SYNPR: variants seen among roughly 807,000 people sequenced by gnomAD.
SYNPR encodes the protein synaptoporin.
A neutral mutation model predicts 32.9 loss-of-function variants in SYNPR; 23 were observed. That is an observed-to-expected ratio of 0.70 (90% CI 0.50 to 0.99). SYNPR has a LOEUF of 0.99. Among genes scored for constraint, SYNPR ranks in the 50% least tolerant of loss-of-function variants. The pLI is 0.00. For synonymous variants in SYNPR, 146 were observed against 135.9 expected, an observed-to-expected ratio of 1.07 and a Z score of -0.52; for missense variants, 318 against 349.3, an observed-to-expected ratio of 0.91 and a Z score of 0.71.
chr3:63,502,845 T>C (rs1006634479), intron 3 of SYNPR, among the ~76,000 whole-genome samples: 3 of 152,138 alleles, frequency 2.0e-5, no homozygotes, highest in Non-Finnish European at 4.4e-5. Flanking sequence ...AATATTCCAT[T>C]GCATGTACTG....
intron 3 of SYNPR, among the ~76,000 whole-genome samples, chr3:63,517,784 T>C (rs764937707): frequency 6.6e-6 from 1 of 152,192 alleles, no homozygotes; most frequent in African/African-American, 2.4e-5. Context: ...AGGGAGAGGC[T>C]ATAGCCAACT....
chr3:63,494,525 A>G (rs1701335109), intron 3 of SYNPR, among the ~76,000 whole-genome samples: 1 of 23,360 alleles, frequency 4.3e-5, no homozygotes, highest in Non-Finnish European at 8.6e-5. Flanking sequence ...ATATATACAT[A>G]TATATATATG....
rs534787723 is a variant in SYNPR, at chr3:63,398,099, G to GTTTACT, written c.85-82732_85-82731insTTACTT. On this transcript the variant is annotated intron_variant, in intron 2 of 5. Coordinates refer to ENST00000478300, the MANE Select transcript of SYNPR (RefSeq NM_001130003.2). Reference sequence around the variant, plus strand: ...AGAGCCTGGGCTGCAAAATGATCAAGTGAATACTTTACTTCTGGGGACATG... The same window carrying GTTTACT: ...AGAGCCTGGGCTGCAAAATGATCAAGTTTACTTGAATACTTTACTTCTGGGGACATG... 1.6e-3 allele frequency among the ~76,000 whole-genome samples: 247 copies of GTTTACT among 152,292 alleles called. 4 individuals are homozygous for GTTTACT. Among genetic ancestry groups the GTTTACT allele is most frequent in the Middle Eastern group, 0.01 (3 of 294 alleles).
intron 4 of SYNPR, among the ~76,000 whole-genome samples, chr3:63,582,068 G>A (rs533387761): frequency 1.3e-5 from 2 of 152,086 alleles, no homozygotes; most frequent in East Asian, 1.9e-4. Context: ...TGTGAAATAC[G>A]GAATCAAGAT....
chr3:63,417,034 A>G (rs1458646431), intron 2 of SYNPR, among the ~76,000 whole-genome samples: 4 of 152,184 alleles, frequency 2.6e-5, no homozygotes, highest in Non-Finnish European at 4.4e-5. Context: ...TCATTTCAGC[A>G]TTAACTCGAA....
chr3:63,517,311 G>A (rs1312426692), intron 3 of SYNPR, among the ~76,000 whole-genome samples: 1 of 152,082 alleles, frequency 6.6e-6, no homozygotes, highest in Non-Finnish European at 1.5e-5. Context: ...CATTGTGGCG[G>A]CTAAATGAGC....
chr3:63,207,535 T>A, the SYNPR span, among the ~76,000 whole-genome samples: 1 of 152,218 alleles, frequency 6.6e-6, no homozygotes, highest in Non-Finnish European at 1.5e-5. Flanking sequence ...AAGAACAACT[T>A]CTTTATATGG....
At chr3:63,389,507 G>A (rs1036990699) in intron 2 of SYNPR, among the ~76,000 whole-genome samples, 2 of 152,140 alleles carry the variant, frequency 1.3e-5, no homozygotes, top group African/African-American at 4.8e-5. Flanking sequence ...ATACTCTTTG[G>A]TTTTTATTGG....
chr3:63,419,374 A>C (rs2107129182), intron 2 of SYNPR, among the ~76,000 whole-genome samples: 1 of 152,282 alleles, frequency 6.6e-6, no homozygotes, highest in South Asian at 2.1e-4. Context: ...CCAAATACTT[A>C]GAGTTGGAAA....
chr3:63,466,764 T>C (rs546692723), intron 2 of SYNPR, among the ~76,000 whole-genome samples: 1 of 152,236 alleles, frequency 6.6e-6, no homozygotes. Context: ...AAGTGTCAGC[T>C]CTCTGGTGTC....
intron 2 of SYNPR, among the ~76,000 whole-genome samples, chr3:63,441,933 T>C (rs1333269330): frequency 1.3e-5 from 2 of 152,132 alleles, no homozygotes; most frequent in Non-Finnish European, 2.9e-5. Context: ...CTATGAGGCA[T>C]AAGTGTAGCC....
chr3:63,290,141 A>AAAAAAAC (rs11280661), intron 2 of SYNPR, among the ~76,000 whole-genome samples: 3 of 145,450 alleles, frequency 2.1e-5, no homozygotes, highest in African/African-American at 2.6e-5. Context: ...AAAAACAAAA[A>AAAAAAAC]AACTCCTTTT....
At chr3:63,597,817 A>G (rs972013105) in intron 4 of SYNPR, among the ~76,000 whole-genome samples, 8 of 152,170 alleles carry the variant, frequency 5.3e-5, no homozygotes, top group African/African-American at 1.4e-4. Context: ...TAACACTTCA[A>G]ATGAAATAAG....
intron 3 of SYNPR, among the ~76,000 whole-genome samples, chr3:63,273,193 A>C (rs2086549999): frequency 6.6e-6 from 1 of 152,134 alleles, no homozygotes; most frequent in Non-Finnish European, 1.5e-5. Flanking sequence ...CAAGAAAAAT[A>C]TTTTTGCCTA....
chr3:63,568,653 T>C (rs1360613413), intron 4 of SYNPR, among the ~76,000 whole-genome samples: 1 of 152,168 alleles, frequency 6.6e-6, no homozygotes, highest in Admixed American at 6.5e-5. Context: ...AGTGACCACA[T>C]TGCCCATGAT....
chr3:63,332,274 C>A (rs930010150), intron 2 of SYNPR, among the ~76,000 whole-genome samples: 7 of 152,206 alleles, frequency 4.6e-5, no homozygotes, highest in Non-Finnish European at 1.0e-4. Flanking sequence ...GATCCAACCT[C>A]CCTTGCACAG....
intron 4 of SYNPR, among the ~76,000 whole-genome samples, chr3:63,572,940 T>C (rs1382019198): frequency 2.6e-5 from 4 of 152,120 alleles, no homozygotes; most frequent in African/African-American, 9.7e-5. Flanking sequence ...GTGTGTGATT[T>C]TTTTCCTCCC....
intron 2 of SYNPR, among the ~76,000 whole-genome samples, chr3:63,340,264 C>T (rs2087347620): frequency 6.6e-6 from 1 of 151,970 alleles, no homozygotes; most frequent in African/African-American, 2.4e-5. Flanking sequence ...AATGAAGCTG[C>T]TATCAATGCA....
At chr3:63,575,728 A>G (rs538486407) in intron 4 of SYNPR, among the ~76,000 whole-genome samples, 2 of 152,316 alleles carry the variant, frequency 1.3e-5, no homozygotes, top group Non-Finnish European at 2.9e-5. Context: ...AGTTGCCTTC[A>G]CCAGGAGCAT....
Sources: allele counts gnomAD v4.1 joint callset (sites outside exome capture counted in the v4.1 genomes callset), GRCh38; gene constraint gnomAD v4.1.1; transcripts MANE v1.5; gene names NCBI Gene and HGNC (gene_info 2026-07-23, HGNC 2026-07-21).